The following SGSM1 variants were observed in gnomAD, a reference collection of about 807,000 sequenced individuals.
SGSM1 encodes the protein RUN and TBC1 domain containing 2.
A neutral mutation model predicts 133.8 loss-of-function variants in SGSM1; 73 were observed. The ratio of observed to expected loss-of-function variants is 0.55; its 90% CI spans 0.45 to 0.66. The LOEUF is 0.66. SGSM1 is among the 30% of genes least tolerant of loss of function. SGSM1 has a pLI of 0.00. For synonymous variants in SGSM1, 563 were observed against 573.0 expected (o/e 0.98, Z 0.25); for missense variants, 1,213 against 1,448.1 (o/e 0.84, Z 2.64).
At chr22:24,877,750 G>A (rs138363560) in intron 13 of SGSM1, among the ~76,000 whole-genome samples, 10 of 143,822 alleles carry the variant, frequency 7.0e-5, no homozygotes, top group African/African-American at 2.3e-4. Flanking sequence ...TCAAGACCAT[G>A]TGTATACTTT....
At chr22:24,892,323 G>A (rs993082293) in intron 16 of SGSM1, among the ~76,000 whole-genome samples, 1 of 152,036 alleles carries the variant, frequency 6.6e-6, no homozygotes, top group African/African-American at 2.4e-5. Flanking sequence ...TCCCATCCTG[G>A]CTCTCCTTAC....
intron 2 of SGSM1, among the ~76,000 whole-genome samples, chr22:24,818,051 A>ATGAAACCCTGTCTCACATGT (rs1928216134): frequency 1.3e-5 from 2 of 151,606 alleles, no homozygotes; most frequent in South Asian, 4.2e-4. Flanking sequence ...GGCCAACATG[A>ATGAAACCCTGTCTCACATGT]TGAAACCCTG....
At chr22:24,890,108 C>T (rs956582774) in intron 16 of SGSM1, among the ~76,000 whole-genome samples, 4 of 152,234 alleles carry the variant, frequency 2.6e-5, no homozygotes, top group Admixed American at 2.0e-4. Context: ...AGGCGCCTGC[C>T]ACCACGCCTG....
chr22:24,873,798 A>G (rs1377874400), intron 12 of SGSM1, among the ~76,000 whole-genome samples: 3 of 152,126 alleles, frequency 2.0e-5, no homozygotes, highest in Admixed American at 2.0e-4. Context: ...GGCTGCAGTG[A>G]GCCACGTTTG....
rs747252600 is a variant in SGSM1 at position 24,855,625 on chromosome 22, A to G, written c.746A>G (p.His249Arg). The change falls in exon 8 of 25, where the codon CAT (histidine) becomes CGT (arginine). Residue 249 changes from histidine to arginine, a missense_variant. By Grantham distance (29) the His-to-Arg change is conservative (BLOSUM62 0). Transcript: ENST00000400358. ...GCCCGCGACTACGTGGAGTCCCTGCATCAGAACTCCCGTGCCACCCTTCTC... is the reference window on the plus strand; with the variant it reads ...GCCCGCGACTACGTGGAGTCCCTGCGTCAGAACTCCCGTGCCACCCTTCTC... ...LSARDYVESL[H>R]QNSRATLLYG... 3 of 1,613,990 alleles carry G rather than the reference A, an allele frequency of 1.9e-6. No individual in the cohort carries two copies. Among genetic ancestry groups the G allele is most frequent in the South Asian group, 1.1e-5 (1 of 91,084 alleles).
rs754180455 is a variant in SGSM1, at chr22:24,868,464, G to A, written c.1083G>A (p.Gln361=). Residue 361 remains glutamine (Q), a synonymous_variant, in exon 11 of 25, where the codon CAG becomes CAA. Coordinates refer to ENST00000400358, the MANE Select transcript of SGSM1 (RefSeq NM_001098497.3). ...TCCCCAAGGGCGGGCACCTCCTGCA[G>A]TTCCTCTCGTGCCTGGAGAATGGGC... The part of the protein sequence containing the change: ...FRFPKGGHLL[Q]FLSCLENGLL... 33 of 1,613,794 alleles carry A rather than the reference G, an allele frequency of 2.0e-5. No individual in the cohort carries two copies. The highest frequency in any genetic ancestry group is 2.7e-5 in the Non-Finnish European group (32 of 1,179,892).
rs1387557223 is a variant in SGSM1 at position 24,867,298 on chromosome 22, G to A, written c.994+138G>A. 7 of 743,406 alleles carry A rather than the reference G, an allele frequency of 9.4e-6. No individual in the cohort carries two copies. In the South Asian group the frequency reaches 9.7e-5, roughly 10 times the overall value. 46.1% of individuals were successfully genotyped at this position (743,406 alleles called of 1,614,324 possible). ...GTTACCTGTGCAACCTTAGGCAAGC[G>A]ACCTCACCGCTCTGTGCCTCAGTTT... On this transcript the variant is annotated intron_variant, in intron 10 of 24. Coordinates refer to ENST00000400358, the MANE Select transcript of SGSM1 (RefSeq NM_001098497.3).
chr22:24,815,122 A>C (rs573863596), intron 2 of SGSM1, among the ~76,000 whole-genome samples: 1 of 152,212 alleles, frequency 6.6e-6, no homozygotes, highest in African/African-American at 2.4e-5. Context: ...TTTTCTTTGC[A>C]CAATTTTGCA....
intron 24 of SGSM1, among the ~76,000 whole-genome samples, chr22:24,923,216 T>C (rs575885755): frequency 2.6e-4 from 40 of 152,306 alleles, no homozygotes; most frequent in South Asian, 2.1e-4. Context: ...ACAGTTGACA[T>C]GGTGCTCAAC....
chr22:24,886,717 G>T lies in SGSM1; in HGVS notation c.1759G>T (p.Glu587Ter). The T allele has an allele frequency of 1.9e-6, 3 of 1,585,268 alleles. No individual in the cohort carries two copies. Among genetic ancestry groups the T allele is most frequent in the Non-Finnish European group, 2.6e-6 (3 of 1,166,136 alleles). The change falls in exon 16 of 25, where the codon GAA becomes TAA. Residue 587 changes from glutamate to a stop codon, truncating the protein, a stop_gained. Coordinates refer to ENST00000400358, the MANE Select transcript of SGSM1 (RefSeq NM_001098497.3). LOFTEE classifies it high-confidence loss of function. Reference sequence around the variant, plus strand: ...CTACCAGTTCGGGATGACGGAAACAGAAAGGAAAGAGGTCGGTTACCTGCC... The same window carrying T: ...CTACCAGTTCGGGATGACGGAAACATAAAGGAAAGAGGTCGGTTACCTGCC... ...GHYQFGMTETERKEVDEQIHA... is the reference protein window; with the variant it reads ...GHYQFGMTET
intron 12 of SGSM1, among the ~76,000 whole-genome samples, chr22:24,873,457 T>C (rs9917557): frequency 0.031 from 4,653 of 151,414 alleles, 91 homozygotes; most frequent in East Asian, 0.092. Context: ...AAACCCAAAG[T>C]GTCTCCAAAC....
At chr22:24,900,628 C>T (rs1157956301) in intron 19 of SGSM1, among the ~76,000 whole-genome samples, 1 of 152,092 alleles carries the variant, frequency 6.6e-6, no homozygotes, top group Non-Finnish European at 1.5e-5. Flanking sequence ...AACTCTCGAC[C>T]TCAAGTGATC....
intron 22 of SGSM1, among the ~76,000 whole-genome samples, 195 bp from the exon 23 acceptor site, chr22:24,917,463 T>G (rs1406345870): frequency 6.6e-6 from 1 of 152,212 alleles, no homozygotes; most frequent in Non-Finnish European, 1.5e-5. Context: ...CTGAGCATCT[T>G]TCATATGCCG....
intron 23 of SGSM1, among the ~76,000 whole-genome samples, chr22:24,919,541 C>T (rs958057457): frequency 3.9e-5 from 6 of 152,174 alleles, no homozygotes; most frequent in African/African-American, 1.4e-4. Context: ...CATACCTGCA[C>T]GTGCCTGGTT....
Position 24,844,939 on chromosome 22 carries a change from C to T in SGSM1, c.106C>T (p.His36Tyr). 6.2e-7 allele frequency: 1 copy of T among 1,613,752 alleles called. No individual in the cohort carries two copies. The highest frequency in any genetic ancestry group is 8.5e-7 in the Non-Finnish European group (1 of 1,179,844). ...GGAGGCTGTGACACGCAAGTTTGTC[C>T]ACGAAGACAGCAGCCACATCATCTC... ...MEEAVTRKFV[H>Y]EDSSHIISFC... The change falls in exon 3 of 25, where the codon CAC becomes TAC. Residue 36 changes from histidine (H) to tyrosine (Y), a missense_variant. His to Tyr is a moderately conservative substitution (Grantham distance 83). Transcript: ENST00000400358.
chr22:24,853,104 C>T (rs1232052260), intron 5 of SGSM1, among the ~76,000 whole-genome samples: 1 of 152,206 alleles, frequency 6.6e-6, no homozygotes, highest in African/African-American at 2.4e-5. Flanking sequence ...ATACTTCCTC[C>T]CATTTTACAG....
intron 2 of SGSM1, among the ~76,000 whole-genome samples, chr22:24,837,839 G>A (rs1255352771): frequency 6.6e-6 from 1 of 152,170 alleles, no homozygotes; most frequent in Non-Finnish European, 1.5e-5. Flanking sequence ...ATAGAGTGAG[G>A]ATTATCATAA....
intron 9 of SGSM1, among the ~76,000 whole-genome samples, chr22:24,864,548 T>C (rs1383541458): frequency 6.6e-6 from 1 of 152,202 alleles, no homozygotes; most frequent in East Asian, 1.9e-4. Flanking sequence ...TCAAAAGCCT[T>C]ATACCACACA....
At chr22:24,885,787 C>T (rs1932564242) in intron 15 of SGSM1, among the ~76,000 whole-genome samples, 1 of 152,160 alleles carries the variant, frequency 6.6e-6, no homozygotes, top group African/African-American at 2.4e-5. Flanking sequence ...GTGTTGCGTA[C>T]CCGTGTAGGG....
Sources: gnomAD v4.1 joint callset for allele counts (sites outside exome capture counted in the v4.1 genomes callset) on GRCh38, gnomAD v4.1.1 for gene constraint, MANE v1.5 for transcripts, NCBI Gene and HGNC (gene_info 2026-07-23, HGNC 2026-07-21) for gene names.